Variants in C3AR1 observed in about 807,000 individuals in gnomAD.
C3AR1 encodes the protein complement C3a receptor 1, also known as C3a anaphylatoxin chemotactic receptor.
For missense variants in C3AR1, 579 were observed against 583.5 expected (o/e 0.99, Z 0.08); for synonymous variants, 208 against 225.3 (o/e 0.92, Z 0.69).
intron 1 of C3AR1, among the ~76,000 whole-genome samples, chr12:8,062,457 G>GC (rs897027696): frequency 2.0e-5 from 3 of 151,830 alleles, no homozygotes; most frequent in Non-Finnish European, 2.9e-5. Context: ...GAACCACCAT[G>GC]CCCCCCCTTT....
intron 1 of C3AR1, 22 bp from the exon 2 acceptor site, chr12:8,060,217 G>A (rs1398592856): frequency 1.9e-6 from 3 of 1,543,212 alleles, no homozygotes; most frequent in Non-Finnish European, 1.8e-6. Flanking sequence ...TGAAAAAAAT[G>A]TTAAAACAAA....
At chr12:8,062,811 T>A (rs1947287706) in intron 1 of C3AR1, among the ~76,000 whole-genome samples, 1 of 150,208 alleles carries the variant, frequency 6.7e-6, no homozygotes, top group African/African-American at 2.4e-5. Flanking sequence ...GCCCGGCTAA[T>A]TTTTTTTTGT....
chr12:8,057,171 C>T lies in C3AR1; in HGVS notation c.*1566G>A, dbSNP rs1482628102. 3.3e-5 allele frequency among the ~76,000 whole-genome samples: 5 copies of T among 152,060 alleles called. No homozygotes were observed. The highest frequency in any genetic ancestry group is 9.7e-5 in the African/African-American group (4 of 41,368). On this transcript the variant is annotated 3_prime_UTR_variant, in exon 2 of 2. Transcript: ENST00000307637. ...ATACAAACAAGCCAGAAATTTCAGA[C>T]GTTTGACACAAACATTTATATATAC...
At chr12:8,060,809 G>T (rs1299312401) in intron 1 of C3AR1, among the ~76,000 whole-genome samples, 2 of 152,076 alleles carry the variant, frequency 1.3e-5, no homozygotes, top group Non-Finnish European at 2.9e-5. Flanking sequence ...TTTCAATCTT[G>T]GTTTTTCCAC....
Position 8,059,545 on chromosome 12 carries a change from G to A in C3AR1, c.641C>T (p.Ser214Phe). Residue 214 changes from serine to phenylalanine, a missense_variant, in exon 2 of 2, where the codon TCC becomes TTC. Physicochemically the swap from Ser to Phe is radical, Grantham distance 155. Transcript: ENST00000307637. ...PGEMNDRLDP[S>F]SFQTNDHPWT... ...AGGATGATCATTTGTTTGGAAAGAG[G>A]AAGGATCTAACCTATCATTCATTTC... The A allele has an allele frequency of 6.2e-7, 1 of 1,614,164 alleles. No individual in the cohort carries two copies. The highest frequency in any genetic ancestry group is 8.5e-7 in the Non-Finnish European group (1 of 1,180,028).
intron 1 of C3AR1, among the ~76,000 whole-genome samples, chr12:8,063,124 A>G (rs1360695609): frequency 7.0e-6 from 1 of 143,824 alleles, no homozygotes; most frequent in African/African-American, 2.6e-5. Context: ...CGCCCGGCTA[A>G]TTTTTGTATT....
chr12:8,063,835 G>A (rs1467676569), intron 1 of C3AR1, among the ~76,000 whole-genome samples: 1 of 152,122 alleles, frequency 6.6e-6, no homozygotes, highest in Non-Finnish European at 1.5e-5. Flanking sequence ...ACTTTGGGGG[G>A]CCGAGGGGAG....
In C3AR1 at chr12:8,059,961, C is replaced by T; in HGVS notation, c.225G>A (p.Leu75=). Residue 75 remains leucine, a synonymous_variant, in exon 2 of 2, where the codon TTG becomes TTA. Coordinates refer to ENST00000307637, the MANE Select transcript of C3AR1 (RefSeq NM_004054.4). ...GAGCCAAGTGAGCCAGCGAGAAGGG[C>T]AAGGAGAGGCAGCAGAGGAGGTCCG... ...TLADLLCCLS[L]PFSLAHLALQ... is the part of the protein sequence containing the mutation. 1 of 1,614,080 alleles carries T rather than the reference C, an allele frequency of 6.2e-7. No individual in the cohort carries two copies. Among genetic ancestry groups the T allele is most frequent in the Non-Finnish European group, 8.5e-7 (1 of 1,180,018 alleles).
intron 1 of C3AR1, among the ~76,000 whole-genome samples, chr12:8,064,812 G>A (rs1230871557): frequency 6.6e-6 from 1 of 152,042 alleles, no homozygotes; most frequent in Non-Finnish European, 1.5e-5. Flanking sequence ...GTCATGGGAT[G>A]CTAGGGCTGA....
intron 1 of C3AR1, 91 bp from the exon 2 acceptor site, chr12:8,060,286 T>C (rs7968865): frequency 3.2e-5 from 35 of 1,097,946 alleles, no homozygotes; most frequent in Non-Finnish European, 3.6e-5. Flanking sequence ...CACATAAAGA[T>C]GTGGGATCAT....
rs748376126 is a variant in C3AR1, at chr12:8,059,563, T to C, written c.623A>G (p.Asn208Ser). The part of the protein sequence containing the change: ...ENIVQPPGEM[N>S]DRLDPSSFQT... ...GAAAGAGGAAGGATCTAACCTATCA[T>C]TCATTTCTCCAGGCGGCTGAACAAT... Residue 208 changes from asparagine to serine, a missense_variant, in exon 2 of 2, where the codon AAT (asparagine) becomes AGT (serine). Asn to Ser is a conservative substitution (Grantham distance 46). Coordinates refer to ENST00000307637, the MANE Select transcript of C3AR1 (RefSeq NM_004054.4). The C allele has an allele frequency of 3.7e-6, 6 of 1,614,202 alleles. No homozygotes were observed. The highest frequency in any genetic ancestry group is 2.2e-5 in the East Asian group (1 of 44,890).
intron 1 of C3AR1, among the ~76,000 whole-genome samples, chr12:8,064,481 T>G (rs766925123): frequency 6.6e-6 from 1 of 152,048 alleles, no homozygotes; most frequent in Non-Finnish European, 1.5e-5. Flanking sequence ...TCACCTGAGG[T>G]CAGTTTGAGA....
At position 8,058,699 on chromosome 12, in the gene C3AR1, T is replaced by C. The variant is rs1186810878; in HGVS notation, c.*38A>G. 1.3e-6 allele frequency: 2 copies of C among 1,553,542 alleles called. No individual in the cohort carries two copies. The highest frequency in any genetic ancestry group is 2.7e-5 in the African/African-American group (2 of 72,998). ...CCTCTTATAAACTTTCACTATGTGA[T>C]TGCCTAAGAGCCCCTGCTTGTTGGC... On this transcript the variant is annotated 3_prime_UTR_variant, in exon 2 of 2. Transcript: ENST00000307637.
rs149298168 is a variant in C3AR1, at chr12:8,057,698, T to C, written c.*1039A>G. Among the ~76,000 whole-genome samples, 1 of 152,300 alleles carries C rather than the reference T, an allele frequency of 6.6e-6. No individual in the cohort carries two copies. Among genetic ancestry groups the C allele is most frequent in the East Asian group, 1.9e-4 (1 of 5,190 alleles). ...GTAATTTTGGCATGTAAGTTGCCTGTCGTCATGTTTTAAAATGTGATGGCA... is the reference window on the plus strand; with the variant it reads ...GTAATTTTGGCATGTAAGTTGCCTGCCGTCATGTTTTAAAATGTGATGGCA... On this transcript the variant is annotated 3_prime_UTR_variant, in exon 2 of 2. Coordinates refer to ENST00000307637, the MANE Select transcript of C3AR1 (RefSeq NM_004054.4).
Position 8,057,466 on chromosome 12 carries a change from A to T in C3AR1, c.*1271T>A, listed in dbSNP as rs1432677326. On this transcript the variant is annotated 3_prime_UTR_variant, in exon 2 of 2. Transcript: ENST00000307637. ...AAAGAGCAGCATAAGCACATGATTTAGAAACATCATGATAATTATCAAAGG... is the reference window on the plus strand; with the variant it reads ...AAAGAGCAGCATAAGCACATGATTTTGAAACATCATGATAATTATCAAAGG... Among the ~76,000 whole-genome samples, 2 of 152,248 alleles carry T rather than the reference A, an allele frequency of 1.3e-5. No homozygotes were observed. Among genetic ancestry groups the T allele is most frequent in the Non-Finnish European group, 2.9e-5 (2 of 68,046 alleles).
Position 8,059,486 on chromosome 12 carries a change from A to G in C3AR1, c.700T>C (p.Phe234Leu). The G allele has an allele frequency of 6.2e-7, 1 of 1,614,194 alleles. No homozygotes were observed. Among genetic ancestry groups the G allele is most frequent in the Non-Finnish European group, 8.5e-7 (1 of 1,180,020 alleles). ...TVPTVFQPQT[F>L]QRPSADSLPR... ...AGTGAATCTGCAGAAGGTCTTTGAAATGTTTGAGGTTGGAAGACAGTGGGG... is the reference window on the plus strand; with the variant it reads ...AGTGAATCTGCAGAAGGTCTTTGAAGTGTTTGAGGTTGGAAGACAGTGGGG... Residue 234 changes from phenylalanine (F) to leucine (L), a missense_variant, in exon 2 of 2, where the codon TTT (phenylalanine) becomes CTT (leucine). By Grantham distance (22) the Phe-to-Leu change is conservative (BLOSUM62 0). Transcript: ENST00000307637.
chr12:8,059,916 G>A lies in C3AR1; in HGVS notation c.270C>T (p.Tyr90=), dbSNP rs140119047. 8.9e-4 allele frequency: 1,434 copies of A among 1,614,188 alleles called. 4 individuals are homozygous for A. Among genetic ancestry groups the A allele is most frequent in the East Asian group, 1.8e-3 (82 of 44,884 alleles). The change falls in exon 2 of 2, where the codon TAC becomes TAT. Residue 90 remains tyrosine (Y), a synonymous_variant. Coordinates refer to ENST00000307637, the MANE Select transcript of C3AR1 (RefSeq NM_004054.4). ...GGATGAGCTTGCATAGGAACCTGCC[G>A]TAGGGCCACTGTCCCTGGAGAGCCA... The part of the protein sequence containing the change: ...AHLALQGQWP[Y]GRFLCKLIPS...
At chr12:8,063,263 A>T (rs1470140553) in intron 1 of C3AR1, among the ~76,000 whole-genome samples, 1 of 152,070 alleles carries the variant, frequency 6.6e-6, no homozygotes, top group Non-Finnish European at 1.5e-5. Flanking sequence ...GCCGGCCACC[A>T]ACTTCTTAAT....
In C3AR1 at chr12:8,060,064, T is replaced by C; in HGVS notation, c.122A>G (p.Asn41Ser). 4 of 1,614,068 alleles carry C rather than the reference T, an allele frequency of 2.5e-6. No individual in the cohort carries two copies. The highest frequency in any genetic ancestry group is 2.2e-5 in the South Asian group (2 of 91,082). The change falls in exon 2 of 2, where the codon AAT becomes AGT. Residue 41 changes from asparagine to serine, a missense_variant. Physicochemically the swap from Asn to Ser is conservative, Grantham distance 46. Coordinates refer to ENST00000307637, the MANE Select transcript of C3AR1 (RefSeq NM_004054.4). ...GCCAGCCACCCACAGCACCAGCCCA[T>C]TGCCTGGCAATCCCAGTAAAAAAGT... Reference protein sequence around the residue: ...SLTFLLGLPGNGLVLWVAGLK... With the variant: ...SLTFLLGLPGSGLVLWVAGLK...
Sources: gnomAD v4.1 joint callset for allele counts (sites outside exome capture counted in the v4.1 genomes callset) on GRCh38, gnomAD v4.1.1 for gene constraint, MANE v1.5 for transcripts, NCBI Gene and HGNC (gene_info 2026-07-23, HGNC 2026-07-21) for gene names.